ITGA9: variants seen among roughly 807,000 people sequenced by gnomAD.
ITGA9 encodes the protein integrin alpha-9.
ITGA9 carries 56 observed loss-of-function variants against 127.8 expected under a neutral mutation model. That is an observed-to-expected ratio of 0.44 (90% confidence interval 0.35 to 0.55). The LOEUF is 0.55. ITGA9 is among the 20% of genes least tolerant of loss of function. ITGA9 has a pLI of 0.00. For missense variants in ITGA9, 1,196 were observed against 1,347.1 expected (o/e 0.89, Z 1.76); for synonymous variants, 508 against 514.5 (o/e 0.99, Z 0.17).
Position 37,758,218 on chromosome 3 carries a change from G to A in ITGA9, c.2541+7649G>A, listed in dbSNP as rs531781616. On this transcript the variant is annotated intron_variant, in intron 23 of 27. Transcript: ENST00000264741. Reference sequence around the variant, plus strand: ...GGCGCCTGTAGTCCCAGATACTCGGGAGGCTGAGGCAGGAGAATGGCGTGA... The same window carrying A: ...GGCGCCTGTAGTCCCAGATACTCGGAAGGCTGAGGCAGGAGAATGGCGTGA... Among the ~76,000 whole-genome samples, 6 of 148,610 alleles carry A rather than the reference G, an allele frequency of 4.0e-5. No homozygotes were observed. The East Asian group carries it at 1.2e-3, about 29-fold the overall frequency.
chr3:37,769,332 C>G (rs554010872), intron 23 of ITGA9, among the ~76,000 whole-genome samples: 14 of 109,970 alleles, frequency 1.3e-4, no homozygotes, highest in African/African-American at 4.0e-4. Flanking sequence ...GAGCAAAACT[C>G]TGTCTCAAAA....
intron 2 of ITGA9, among the ~76,000 whole-genome samples, chr3:37,472,896 C>G (rs549937310): frequency 6.6e-6 from 1 of 151,304 alleles, no homozygotes; most frequent in African/African-American, 2.4e-5. Flanking sequence ...CCCAGCACTT[C>G]GGGAGGTTGG....
At chr3:37,556,766 G>A (rs1487122168) in intron 15 of ITGA9, among the ~76,000 whole-genome samples, 1 of 152,230 alleles carries the variant, frequency 6.6e-6, no homozygotes, top group Non-Finnish European at 1.5e-5. Flanking sequence ...AGTTGATGCA[G>A]GTATCAGAAG....
In ITGA9 at chr3:37,475,489, A is replaced by G. The variant is rs1189722263; in HGVS notation, c.420+2029A>G. On this transcript the variant is annotated intron_variant, in intron 3 of 27. Transcript: ENST00000264741. ...TCATTTCTGGGGACAGTGAACAGCAATGAGGACCACAGGGAAGATTTAGCA... is the reference window on the plus strand; with the variant it reads ...TCATTTCTGGGGACAGTGAACAGCAGTGAGGACCACAGGGAAGATTTAGCA... Among the ~76,000 whole-genome samples, 5 of 152,242 alleles carry G rather than the reference A, an allele frequency of 3.3e-5. No homozygotes were observed. The South Asian group carries it at 1.0e-3, about 31-fold the overall frequency.
rs530143949 is a variant in ITGA9, at chr3:37,710,923, ATC to A, written c.2068-21787_2068-21786del. Among the ~76,000 whole-genome samples the A allele has an allele frequency of 5.6e-3, 855 of 152,314 alleles. 12 individuals are homozygous for A. Among genetic ancestry groups the A allele is most frequent in the African/African-American group, 0.02 (812 of 41,568 alleles). ...AGCCCTAACACCCACTGTATTAGTTATCTGTTGCTGTGTCACAAATCACATGT... is the reference window on the plus strand; with the variant it reads ...AGCCCTAACACCCACTGTATTAGTTATGTTGCTGTGTCACAAATCACATGT... On this transcript the variant is annotated intron_variant, in intron 18 of 27. Coordinates refer to ENST00000264741, the MANE Select transcript of ITGA9 (RefSeq NM_002207.3).
At chr3:37,591,933 A>G (rs1328409161) in intron 15 of ITGA9, among the ~76,000 whole-genome samples, 1 of 152,148 alleles carries the variant, frequency 6.6e-6, no homozygotes, top group Non-Finnish European at 1.5e-5. Context: ...GGGCCTGGAC[A>G]TTTGCCTGCC....
At position 37,683,941 on chromosome 3, in the gene ITGA9, G is replaced by A. The variant is rs538062566; in HGVS notation, c.1993G>A (p.Gly665Arg). The change falls in exon 18 of 28, where the codon GGA (glycine) becomes AGA (arginine). Residue 665 changes from glycine to arginine, a missense_variant. Physicochemically the swap from Gly to Arg is moderately radical, Grantham distance 125. Transcript: ENST00000264741. ...CCTAAACATCTCTATCTCCAACCTCGGAGATGATGCCTATGATGCCAACGT... is the reference window on the plus strand; with the variant it reads ...CCTAAACATCTCTATCTCCAACCTCAGAGATGATGCCTATGATGCCAACGT... ...ISLNISISNL[G>R]DDAYDANVSF... 1.9e-5 allele frequency: 30 copies of A among 1,613,944 alleles called. No homozygotes were observed. Among genetic ancestry groups the A allele is most frequent in the East Asian group, 4.5e-5 (2 of 44,878 alleles).
At chr3:37,656,962 T>C (rs1430213281) in intron 17 of ITGA9, among the ~76,000 whole-genome samples, 1 of 152,214 alleles carries the variant, frequency 6.6e-6, no homozygotes, top group South Asian at 2.1e-4. Flanking sequence ...TGTTTTTTTT[T>C]CATTGGTTCT....
At chr3:37,463,235 C>G (rs1019268027) in intron 1 of ITGA9, among the ~76,000 whole-genome samples, 3 of 152,216 alleles carry the variant, frequency 2.0e-5, no homozygotes, top group African/African-American at 7.2e-5. Context: ...GATGACGTAT[C>G]TGTTTTCTAT....
chr3:37,769,452 C>T (rs954677886), intron 23 of ITGA9, among the ~76,000 whole-genome samples: 1 of 152,120 alleles, frequency 6.6e-6, no homozygotes, highest in African/African-American at 2.4e-5. Flanking sequence ...ACACATTCTC[C>T]TACTTCAAAG....
intron 15 of ITGA9, among the ~76,000 whole-genome samples, chr3:37,617,658 G>A (rs1204975771): frequency 1.6e-3 from 249 of 151,642 alleles, no homozygotes; most frequent in Non-Finnish European, 2.4e-3. Flanking sequence ...GGCTTTGTTC[G>A]TTTCTTTTTA....
chr3:37,554,158 G>A (rs895954614), intron 15 of ITGA9, among the ~76,000 whole-genome samples: 1 of 152,064 alleles, frequency 6.6e-6, no homozygotes, highest in African/African-American at 2.4e-5. Context: ...ATTAGAAGGC[G>A]ATGAGGCTAT....
At chr3:37,658,615 C>T (rs1700502488) in intron 17 of ITGA9, among the ~76,000 whole-genome samples, 1 of 152,178 alleles carries the variant, frequency 6.6e-6, no homozygotes, top group Non-Finnish European at 1.5e-5. Flanking sequence ...ATACAGCACA[C>T]TGATGGGTCT....
chr3:37,625,618 A>G (rs962066010), intron 15 of ITGA9, among the ~76,000 whole-genome samples: 1 of 152,106 alleles, frequency 6.6e-6, no homozygotes, highest in Admixed American at 6.5e-5. Context: ...TATTTTTTTT[A>G]AGCAGTAAAA....
At chr3:37,769,367 T>A (rs1014633916) in intron 23 of ITGA9, among the ~76,000 whole-genome samples, 1 of 150,268 alleles carries the variant, frequency 6.7e-6, no homozygotes, top group Non-Finnish European at 1.5e-5. Flanking sequence ...GCTAAAAATA[T>A]CACATACCAA....
chr3:37,603,924 A>G (rs1051424238), intron 15 of ITGA9, among the ~76,000 whole-genome samples: 3 of 152,208 alleles, frequency 2.0e-5, no homozygotes, highest in Non-Finnish European at 4.4e-5. Flanking sequence ...CCACTGCTGG[A>G]TGAAAGAAGC....
chr3:37,729,551 C>A (rs989249906), intron 18 of ITGA9, among the ~76,000 whole-genome samples: 5 of 152,120 alleles, frequency 3.3e-5, no homozygotes, highest in Admixed American at 2.6e-4. Context: ...GGTAGCTGAG[C>A]AGCTTTTGAA....
Position 37,557,488 on chromosome 3 carries a change from G to A in ITGA9, c.1689+14903G>A, listed in dbSNP as rs145451802. Reference sequence around the variant, plus strand: ...AGGTAGCCTGGGGGTCTTTTCACAAGACAGCCCTAGCCCCAGTTCATGGGA... The same window carrying A: ...AGGTAGCCTGGGGGTCTTTTCACAAAACAGCCCTAGCCCCAGTTCATGGGA... On this transcript the variant is annotated intron_variant, in intron 15 of 27. Coordinates refer to ENST00000264741, the MANE Select transcript of ITGA9 (RefSeq NM_002207.3). 2.0e-3 allele frequency among the ~76,000 whole-genome samples: 312 copies of A among 152,314 alleles called. 2 individuals carry two copies. The highest frequency in any genetic ancestry group is 7.1e-3 in the African/African-American group (297 of 41,566).
intron 27 of ITGA9, among the ~76,000 whole-genome samples, chr3:37,805,023 A>G (rs1697279520): frequency 6.6e-6 from 1 of 151,890 alleles, no homozygotes; most frequent in African/African-American, 2.4e-5. Flanking sequence ...TATACTCAGC[A>G]TATTTTCAGG....
Sources: gnomAD v4.1 joint callset for allele counts (sites outside exome capture counted in the v4.1 genomes callset) on GRCh38, gnomAD v4.1.1 for gene constraint, MANE v1.5 for transcripts, NCBI Gene and HGNC (gene_info 2026-07-23, HGNC 2026-07-21) for gene names.